The following CNKSR3 variants were observed in gnomAD, a reference collection of about 807,000 sequenced individuals.
CNKSR3 encodes CNKSR family member 3.
Under a neutral mutation model 67.7 loss-of-function variants are expected in CNKSR3, and 36 were observed. That is an observed-to-expected ratio of 0.53 (90% CI 0.41 to 0.70). The LOEUF (loss-of-function observed/expected upper bound fraction) is 0.70. Among genes scored for constraint, CNKSR3 ranks in the 30% least tolerant of loss-of-function variants. CNKSR3 has a pLI of 0.00. For missense variants in CNKSR3, 630 were observed against 695.2 expected (o/e 0.91, Z 1.05); for synonymous variants, 281 against 271.4 (o/e 1.04, Z -0.35).
intron 1 of CNKSR3, among the ~76,000 whole-genome samples, chr6:154,454,191 T>C (rs6557354): frequency 6.7e-6 from 1 of 150,002 alleles, no homozygotes; most frequent in Non-Finnish European, 1.5e-5. Flanking sequence ...ACTGACCGGG[T>C]AACCTGGAGC....
chr6:154,441,979 A>G lies in CNKSR3; in HGVS notation c.419+109T>C, dbSNP rs571711697. 141 of 1,051,296 alleles carry G rather than the reference A, an allele frequency of 1.3e-4. No homozygotes were observed. In the East Asian group the frequency reaches 2.4e-3, roughly 18 times the overall value. 65.1% of individuals were successfully genotyped at this position (1,051,296 alleles called of 1,614,324 possible). On this transcript the variant is annotated intron_variant, in intron 3 of 12. Transcript: ENST00000607772. ...GAGGACTCCTTAAGAGCCGGTAAAA[A>G]TGATATGAAAAGAACAATGGTTCCT...
At position 154,393,701 on chromosome 6, in the gene CNKSR3, T is replaced by C. The variant is rs556838537; in HGVS notation, c.*12653A>G. The C allele has an allele frequency of 6.6e-6, 1 of 152,342 alleles. No homozygotes were observed. The highest frequency in any genetic ancestry group is 1.5e-5 in the Non-Finnish European group (1 of 68,026). 9.4% of individuals were successfully genotyped at this position (152,342 alleles called of 1,614,324 possible). A position where few individuals can be genotyped will look rare whatever the true frequency, so the allele number is the denominator to read the frequency against. On this transcript the variant is annotated 3_prime_UTR_variant, in exon 13 of 13. Coordinates refer to ENST00000607772, the MANE Select transcript of CNKSR3 (RefSeq NM_173515.4). ...TCTTTTCTTTTGTACTCAGCCCTTT[T>C]ACTGTCTTCTATAAGAAATCTTTCC...
At chr6:154,478,538 G>A (rs1786501387) in intron 1 of CNKSR3, 1 of 152,290 alleles carries the variant, frequency 6.6e-6, no homozygotes, top group African/African-American at 2.4e-5. Context: ...CCGGAGCTGT[G>A]ACACTCATCT....
chr6:154,407,760 C>T (rs901971189), intron 12 of CNKSR3, among the ~76,000 whole-genome samples: 10 of 149,044 alleles, frequency 6.7e-5, no homozygotes, highest in African/African-American at 2.5e-4. Flanking sequence ...CCTACTGAAA[C>T]CTTTTTCAAA....
chr6:154,407,891 A>AAAAAC (rs1554230778), intron 12 of CNKSR3, among the ~76,000 whole-genome samples: 1 of 151,078 alleles, frequency 6.6e-6, no homozygotes, highest in Non-Finnish European at 1.5e-5. Context: ...AAAAAAAAAA[A>AAAAAC]AAAACCTAAA....
At chr6:154,422,446 T>C (rs1199268181) in intron 9 of CNKSR3, 60 bp downstream of exon 9, 17 of 1,512,120 alleles carry the variant, frequency 1.1e-5, no homozygotes, top group South Asian at 2.3e-5. Flanking sequence ...CTCTTTTTGT[T>C]TGGAGACTAA....
rs1784602463 is a variant in CNKSR3, at chr6:154,391,163, CCATGTGCATA to C, written c.*15181_*15190del. On this transcript the variant is annotated 3_prime_UTR_variant, in exon 13 of 13. Transcript: ENST00000607772. ...TCCCCGACTTCACATGGTCTTTCCT[CCATGTGCATA>C]CATATCTGTGTCCACATGTCCTTGA... 1 of 152,202 alleles carries C rather than the reference CCATGTGCATA, an allele frequency of 6.6e-6. No individual in the cohort carries two copies. The highest frequency in any genetic ancestry group is 6.5e-5 in the Admixed American group (1 of 15,280). 9.4% of individuals were successfully genotyped at this position (152,202 alleles called of 1,614,324 possible).
chr6:154,430,747 C>T (rs778272575), intron 5 of CNKSR3, among the ~76,000 whole-genome samples, 156 bp from the exon 6 acceptor site: 30 of 152,132 alleles, frequency 2.0e-4, no homozygotes, highest in South Asian at 1.0e-3. Context: ...ATTTAGACTC[C>T]ATGTTTACCA....
chr6:154,430,700 C>G lies in CNKSR3; in HGVS notation c.550-109G>C, dbSNP rs987224652. On this transcript the variant is annotated intron_variant, in intron 5 of 12. Transcript: ENST00000607772. ...ACCTATAATTGTTAGTTCTGGTTGG[C>G]AATCATTTTGATAATTCTGCTCAGT... The G allele has an allele frequency of 4.6e-6, 5 of 1,094,214 alleles. No homozygotes were observed. In the African/African-American group the frequency reaches 7.9e-5, roughly 17 times the overall value. 67.8% of individuals were successfully genotyped at this position (1,094,214 alleles called of 1,614,324 possible).
chr6:154,450,281 C>T (rs1785800302), intron 1 of CNKSR3, 23 bp from the exon 2 acceptor site: 1 of 1,609,998 alleles, frequency 6.2e-7, no homozygotes, highest in Non-Finnish European at 8.5e-7. Context: ...ATCAGAAGTC[C>T]CATTATTGCC....
In CNKSR3 at chr6:154,465,092, G is replaced by A. The variant is rs1299417473; in HGVS notation, c.53-14834C>T. 5.6e-5 allele frequency among the ~76,000 whole-genome samples: 8 copies of A among 143,288 alleles called. 1 individual carries two copies. Among genetic ancestry groups the A allele is most frequent in the African/African-American group, 1.8e-4 (7 of 38,292 alleles). 94.0% of individuals were successfully genotyped at this position (143,288 alleles called of 152,430 possible). ...GGAGGCGGAGGTTGCAGTGAGCTGC[G>A]ATCGTGCCATTGCACTCCAGCCTGG... On this transcript the variant is annotated intron_variant, in intron 1 of 12. Coordinates refer to ENST00000607772, the MANE Select transcript of CNKSR3 (RefSeq NM_173515.4).
chr6:154,428,062 T>A, intron 7 of CNKSR3, 66 bp downstream of exon 7: 1 of 1,043,798 alleles, frequency 9.6e-7, no homozygotes, highest in Non-Finnish European at 1.5e-6. Flanking sequence ...ATTCAAAGTA[T>A]AGAGACTGTG....
intron 1 of CNKSR3, among the ~76,000 whole-genome samples, chr6:154,500,572 C>A (rs1384170036): frequency 6.6e-6 from 1 of 152,134 alleles, no homozygotes; most frequent in Non-Finnish European, 1.5e-5. Context: ...CCACTCCCTC[C>A]CCTCTATGGA....
chr6:154,409,192 A>G (rs966252007), intron 12 of CNKSR3, among the ~76,000 whole-genome samples: 10 of 152,330 alleles, frequency 6.6e-5, no homozygotes, highest in African/African-American at 2.2e-4. Flanking sequence ...GTCAGGGGTC[A>G]ATCAATCCCT....
chr6:154,492,700 T>C (rs537151262), intron 1 of CNKSR3, among the ~76,000 whole-genome samples: 15 of 150,600 alleles, frequency 1.0e-4, no homozygotes, highest in African/African-American at 2.9e-4. Flanking sequence ...GAGCAGAGAT[T>C]GTGCCACTGC....
At chr6:154,449,017 C>T (rs1785767112) in intron 2 of CNKSR3, among the ~76,000 whole-genome samples, 1 of 152,138 alleles carries the variant, frequency 6.6e-6, no homozygotes, top group Admixed American at 6.5e-5. Context: ...ACTTGAATCC[C>T]ACCCACACTA....
chr6:154,429,314 T>G (rs1356719280), intron 6 of CNKSR3, among the ~76,000 whole-genome samples: 1 of 152,152 alleles, frequency 6.6e-6, no homozygotes, highest in Non-Finnish European at 1.5e-5. Context: ...GAGAGCCCCA[T>G]CAAACACCAG....
intron 2 of CNKSR3, among the ~76,000 whole-genome samples, chr6:154,447,508 C>T (rs1247345866): frequency 3.3e-5 from 5 of 152,116 alleles, no homozygotes; most frequent in South Asian, 2.1e-4. Context: ...TCCTAAGCCA[C>T]GACTGCCAGC....
intron 1 of CNKSR3, among the ~76,000 whole-genome samples, chr6:154,503,388 G>A (rs1484784751): frequency 6.6e-6 from 1 of 152,116 alleles, no homozygotes; most frequent in African/African-American, 2.4e-5. Context: ...CACTTTGGGA[G>A]ACCGAGCCGG....
Sources: gnomAD v4.1 joint callset for allele counts (sites outside exome capture counted in the v4.1 genomes callset) on GRCh38, gnomAD v4.1.1 for gene constraint, MANE v1.5 for transcripts, NCBI Gene and HGNC (gene_info 2026-07-23, HGNC 2026-07-21) for gene names.